Variants in PTPRD observed in about 807,000 individuals in gnomAD.
The protein encoded by PTPRD is protein tyrosine phosphatase receptor type D.
PTPRD carries 34 observed loss-of-function variants against 214.5 expected under a neutral mutation model. The ratio of observed to expected loss-of-function variants is 0.16; its 90% CI spans 0.12 to 0.21. The LOEUF (loss-of-function observed/expected upper bound fraction) is 0.21. PTPRD is among the 10% of genes least tolerant of loss of function. The pLI, the probability that PTPRD is intolerant of heterozygous loss-of-function variation, is 1.00. For synonymous variants in PTPRD, 1,128 were observed against 845.7 expected (o/e 1.33, Z -5.79); for missense variants, 2,545 against 2,398.7 (o/e 1.06, Z -1.27).
At chr9:10,210,058 A>T (rs145654888) in intron 3 of PTPRD, among the ~76,000 whole-genome samples, 1 of 152,160 alleles carries the variant, frequency 6.6e-6, no homozygotes, top group Non-Finnish European at 1.5e-5. Context: ...GAAAAAGTTT[A>T]TTTCTGAAAA....
chr9:10,366,413 TCA>T (rs1209327682), intron 2 of PTPRD, among the ~76,000 whole-genome samples: 3 of 152,284 alleles, frequency 2.0e-5, no homozygotes, highest in East Asian at 3.9e-4. Context: ...GCACTATAAC[TCA>T]CATTGCTGGA....
chr9:8,872,560 A>C (rs1052255957), intron 11 of PTPRD, among the ~76,000 whole-genome samples: 4 of 152,260 alleles, frequency 2.6e-5, no homozygotes, highest in Non-Finnish European at 4.4e-5. Flanking sequence ...TCAATGAATA[A>C]GAAAATTTTG....
intron 2 of PTPRD, among the ~76,000 whole-genome samples, chr9:10,398,968 A>T (rs1382343159): frequency 6.6e-6 from 1 of 152,114 alleles, no homozygotes; most frequent in East Asian, 2.0e-4. Context: ...CCAACATGGG[A>T]ATCTCCTAAC....
rs181957840 is a variant in PTPRD, at chr9:9,814,540, C to T, written c.-367-47689G>A. On this transcript the variant is annotated intron_variant, in intron 5 of 45. Coordinates refer to ENST00000381196, the MANE Select transcript of PTPRD (RefSeq NM_002839.4). ...AAGAAAACAATCCCATTTGCAATAA[C>T]TTCAGAAAGGATAAAATACTTATGA... Among the ~76,000 whole-genome samples the T allele has an allele frequency of 2.0e-5, 3 of 152,158 alleles. No individual in the cohort carries two copies. The East Asian group carries it at 5.8e-4, about 29-fold the overall frequency.
intron 10 of PTPRD, among the ~76,000 whole-genome samples, chr9:9,047,972 C>T (rs2099676361): frequency 6.6e-6 from 1 of 151,626 alleles, no homozygotes; most frequent in South Asian, 2.1e-4. Context: ...AATATTTGCC[C>T]AATCAAAAAT....
chr9:8,563,628 G>A (rs2087467693), intron 14 of PTPRD, among the ~76,000 whole-genome samples: 1 of 151,448 alleles, frequency 6.6e-6, no homozygotes, highest in African/African-American at 2.4e-5. Context: ...GTAGAGATGG[G>A]GTTTCACCAT....
At chr9:10,526,348 G>C (rs1328119914) in intron 2 of PTPRD, among the ~76,000 whole-genome samples, 3 of 152,000 alleles carry the variant, frequency 2.0e-5, no homozygotes, top group Non-Finnish European at 4.4e-5. Flanking sequence ...CTAAAGTGTG[G>C]CTATATCATT....
intron 9 of PTPRD, among the ~76,000 whole-genome samples, chr9:9,258,090 GAGAT>G (rs71319208): frequency 0.14 from 21,013 of 148,304 alleles, 1,635 homozygotes; most frequent in Non-Finnish European, 0.18. Flanking sequence ...TGAATGGATA[GAGAT>G]AGATAGATAG....
At chr9:8,400,835 C>G (rs1052678543) in intron 36 of PTPRD, among the ~76,000 whole-genome samples, 10 of 152,174 alleles carry the variant, frequency 6.6e-5, no homozygotes, top group African/African-American at 2.4e-4. Flanking sequence ...CTTCACTAGA[C>G]TGTTGTGTAC....
At chr9:8,716,793 G>C (rs549732735) in intron 12 of PTPRD, among the ~76,000 whole-genome samples, 2 of 152,280 alleles carry the variant, frequency 1.3e-5, no homozygotes, top group African/African-American at 2.4e-5. Context: ...CCTCAATAAT[G>C]AATGTTACTC....
intron 9 of PTPRD, among the ~76,000 whole-genome samples, chr9:9,357,726 A>G (rs887620559): frequency 6.5e-5 from 6 of 92,730 alleles, no homozygotes; most frequent in African/African-American, 3.5e-4. Flanking sequence ...AAAAAAAAAA[A>G]TGACACAGTT....
intron 5 of PTPRD, among the ~76,000 whole-genome samples, chr9:9,873,128 C>T (rs560124877): frequency 1.3e-5 from 2 of 152,140 alleles, no homozygotes; most frequent in East Asian, 1.9e-4. Context: ...GAATCTCCTA[C>T]CATAGTGAAG....
rs1427476772 is a variant in PTPRD at position 10,051,001 on chromosome 9, T to C, written c.-544-17211A>G. On this transcript the variant is annotated intron_variant, in intron 3 of 45. Coordinates refer to ENST00000381196, the MANE Select transcript of PTPRD (RefSeq NM_002839.4). ...CTTCCTAAATAGTGTAAAATATATA[T>C]TATCCCATGCTATGCTAAATGTACT... Among the ~76,000 whole-genome samples, 3 of 152,214 alleles carry C rather than the reference T, an allele frequency of 2.0e-5. No individual in the cohort carries two copies. In the East Asian group the frequency reaches 5.8e-4, roughly 29 times the overall value.
At chr9:9,906,053 A>G in intron 5 of PTPRD, among the ~76,000 whole-genome samples, 1 of 151,958 alleles carries the variant, frequency 6.6e-6, no homozygotes, top group East Asian at 1.9e-4. Flanking sequence ...AAGCTTTAGG[A>G]GGACACAGAA....
At chr9:9,370,230 C>T (rs370121154) in intron 9 of PTPRD, among the ~76,000 whole-genome samples, 9 of 151,874 alleles carry the variant, frequency 5.9e-5, no homozygotes, top group Non-Finnish European at 1.2e-4. Flanking sequence ...ATATTGATTC[C>T]TCCTACCCAT....
At chr9:8,787,035 G>C (rs572838558) in intron 11 of PTPRD, among the ~76,000 whole-genome samples, 1 of 151,976 alleles carries the variant, frequency 6.6e-6, no homozygotes, top group Non-Finnish European at 1.5e-5. Flanking sequence ...AGGGTCTCAC[G>C]ATGTTGCCTA....
intron 5 of PTPRD, among the ~76,000 whole-genome samples, chr9:9,904,200 T>C (rs1166243053): frequency 6.6e-6 from 1 of 152,118 alleles, no homozygotes; most frequent in Non-Finnish European, 1.5e-5. Flanking sequence ...GTTTTTCTTT[T>C]CTAAATCTCA....
chr9:8,821,596 G>C (rs1489467248), intron 11 of PTPRD, among the ~76,000 whole-genome samples: 1 of 152,166 alleles, frequency 6.6e-6, no homozygotes, highest in Non-Finnish European at 1.5e-5. Flanking sequence ...CACTTTGTGA[G>C]AAACAACTAA....
intron 12 of PTPRD, among the ~76,000 whole-genome samples, chr9:8,689,355 C>G (rs1208420769): frequency 1.3e-5 from 2 of 152,184 alleles, no homozygotes; most frequent in African/African-American, 4.8e-5. Flanking sequence ...CTGGGTTAAT[C>G]TGTGGCACCA....
Sources: allele counts gnomAD v4.1 joint callset (sites outside exome capture counted in the v4.1 genomes callset), GRCh38; gene constraint gnomAD v4.1.1; transcripts MANE v1.5; gene names NCBI Gene and HGNC (gene_info 2026-07-23, HGNC 2026-07-21).